CCDC170: variants seen among roughly 807,000 people sequenced by gnomAD.
The protein encoded by CCDC170 is coiled-coil domain-containing protein 170.
A neutral mutation model predicts 72.6 loss-of-function variants in CCDC170; 69 were observed. The observed-to-expected ratio is 0.95, with a 90% CI of 0.78 to 1.16. The LOEUF is 1.16. CCDC170 is among the 50% of genes most tolerant of loss of function. The pLI is 0.00. For synonymous variants in CCDC170, 300 were observed against 303.9 expected, an observed-to-expected ratio of 0.99 and a Z score of 0.13; for missense variants, 852 against 832.5, an observed-to-expected ratio of 1.02 and a Z score of -0.29.
chr6:151,566,981 T>C (rs1776146718), intron 5 of CCDC170, among the ~76,000 whole-genome samples: 1 of 152,094 alleles, frequency 6.6e-6, no homozygotes, highest in Admixed American at 6.5e-5. Flanking sequence ...AGTGCAATGG[T>C]GCGATCTCAG....
intron 10 of CCDC170, among the ~76,000 whole-genome samples, chr6:151,616,355 C>A (rs576475021): frequency 6.6e-6 from 1 of 152,208 alleles, no homozygotes; most frequent in African/African-American, 2.4e-5. Context: ...ATCAGGAGGT[C>A]AGGCGTAAAG....
At chr6:151,601,518 CGTGT>C (rs201008177) in intron 9 of CCDC170, among the ~76,000 whole-genome samples, 1 of 150,456 alleles carries the variant, frequency 6.6e-6, no homozygotes, top group Non-Finnish European at 1.5e-5. Context: ...AAAAACAGTG[CGTGT>C]GTGTGTGTGT....
chr6:151,516,140 C>T (rs1279684790), intron 1 of CCDC170, among the ~76,000 whole-genome samples: 4 of 151,654 alleles, frequency 2.6e-5, no homozygotes, highest in Admixed American at 1.3e-4. Context: ...TGTTATCTGT[C>T]ATATAATGCT....
chr6:151,522,135 G>A (rs1055947517), intron 1 of CCDC170, among the ~76,000 whole-genome samples: 13 of 152,104 alleles, frequency 8.5e-5, no homozygotes, highest in African/African-American at 2.9e-4. Context: ...ACTCCAGCCT[G>A]GGTGACAAGA....
At chr6:151,563,165 C>T (rs1053517315) in intron 5 of CCDC170, among the ~76,000 whole-genome samples, 14 of 151,880 alleles carry the variant, frequency 9.2e-5, no homozygotes, top group African/African-American at 2.7e-4. Context: ...CCCTTCCCTT[C>T]GTAAAAGCCT....
Position 151,505,847 on chromosome 6 carries a change from A to C in CCDC170, c.57+11662A>C, listed in dbSNP as rs373223343. Among the ~76,000 whole-genome samples, 593 of 152,324 alleles carry C rather than the reference A, an allele frequency of 3.9e-3. 4 individuals are homozygous for C. The highest frequency in any genetic ancestry group is 0.014 in the African/African-American group (570 of 41,580). On this transcript the variant is annotated intron_variant, in intron 1 of 10. Transcript: ENST00000239374. ...CATGGTGGCTCATGCTTATAATCCT[A>C]GCAGTTTGGGAGGCCAAGGCAGGAG...
chr6:151,496,009 G>A (rs1011206762), intron 1 of CCDC170, among the ~76,000 whole-genome samples: 2 of 151,996 alleles, frequency 1.3e-5, no homozygotes, highest in East Asian at 1.9e-4. Context: ...ACTGTATTTA[G>A]TTATGTCTCC....
rs182236629 is a variant in CCDC170 at position 151,592,251 on chromosome 6, C to T, written c.1294-856C>T. 1.1e-3 allele frequency among the ~76,000 whole-genome samples: 161 copies of T among 152,022 alleles called. 2 individuals are homozygous for T. Among genetic ancestry groups the T allele is most frequent in the African/African-American group, 3.6e-3 (148 of 41,514 alleles). ...GGCACGTGCCTGTAATCCCAGCTAC[C>T]TGGGAGGCTGAGGCAGGAGAATTGC... On this transcript the variant is annotated intron_variant, in intron 7 of 10. Transcript: ENST00000239374.
At chr6:151,616,318 A>G (rs1583054046) in intron 10 of CCDC170, among the ~76,000 whole-genome samples, 2 of 152,172 alleles carry the variant, frequency 1.3e-5, no homozygotes, top group South Asian at 4.2e-4. Flanking sequence ...GCTGGCTACA[A>G]GAAGGAGCAT....
At chr6:151,547,877 A>G (rs924329283) in intron 4 of CCDC170, among the ~76,000 whole-genome samples, 1 of 152,236 alleles carries the variant, frequency 6.6e-6, no homozygotes, top group Non-Finnish European at 1.5e-5. Flanking sequence ...TACATAGAAG[A>G]ATATTTTTTT....
In CCDC170 at chr6:151,544,597, A is replaced by T; in HGVS notation, c.469A>T (p.Asn157Tyr). Residue 157 changes from asparagine (N) to tyrosine (Y), a missense_variant, in exon 4 of 11, where the codon AAT becomes TAT. By Grantham distance (143) the Asn-to-Tyr change is moderately radical (BLOSUM62 -2). Coordinates refer to ENST00000239374, the MANE Select transcript of CCDC170 (RefSeq NM_025059.4). ...AAAGTGTTCAAAAGAAAATGAGGAGAATAAGAAACAAGTTTCAAAGAATTG... is the reference window on the plus strand; with the variant it reads ...AAAGTGTTCAAAAGAAAATGAGGAGTATAAGAAACAAGTTTCAAAGAATTG... ...LQKCSKENEE[N>Y]KKQVSKNCRK... The T allele has an allele frequency of 6.2e-7, 1 of 1,613,118 alleles. No homozygotes were observed. Among genetic ancestry groups the T allele is most frequent in the Non-Finnish European group, 8.5e-7 (1 of 1,179,160 alleles).
At position 151,536,456 on chromosome 6, in the gene CCDC170, T is replaced by G; in HGVS notation, c.186+10T>G. 1 of 1,613,766 alleles carries G rather than the reference T, an allele frequency of 6.2e-7. No homozygotes were observed. The highest frequency in any genetic ancestry group is 8.5e-7 in the Non-Finnish European group (1 of 1,179,804). On this transcript the variant is annotated intron_variant, in intron 2 of 10. Transcript: ENST00000239374. Reference sequence around the variant, plus strand: ...ATGTGCTCAGTCTGAGGTAAGATAATGCATTTCCAGCACTCAGAAATGGGC... The same window carrying G: ...ATGTGCTCAGTCTGAGGTAAGATAAGGCATTTCCAGCACTCAGAAATGGGC...
At chr6:151,497,403 A>G (rs1781925765) in intron 1 of CCDC170, among the ~76,000 whole-genome samples, 1 of 152,240 alleles carries the variant, frequency 6.6e-6, no homozygotes, top group Admixed American at 6.5e-5. Context: ...AAAATTAAAA[A>G]AGAGTTTACA....
chr6:151,547,249 G>A (rs1041497942), intron 4 of CCDC170, among the ~76,000 whole-genome samples: 3 of 152,190 alleles, frequency 2.0e-5, no homozygotes, highest in Admixed American at 6.5e-5. Context: ...TCTGAGTGCT[G>A]GAGAGATAGC....
intron 1 of CCDC170, among the ~76,000 whole-genome samples, chr6:151,526,069 GTCCTTCCT>G (rs567081511): frequency 9.7e-5 from 14 of 144,238 alleles, no homozygotes; most frequent in African/African-American, 4.0e-4. Flanking sequence ...TCTGGTACCA[GTCCTTCCT>G]TCCTTCCTTC....
At chr6:151,508,402 T>TGG (rs575396740) in intron 1 of CCDC170, among the ~76,000 whole-genome samples, 9 of 151,246 alleles carry the variant, frequency 6.0e-5, no homozygotes, top group African/African-American at 2.2e-4. Flanking sequence ...CCAGGCATAG[T>TGG]GGGGGGGCGC....
At chr6:151,585,743 T>A in intron 6 of CCDC170, 146 bp from the exon 7 acceptor site, 1 of 634,626 alleles carries the variant, frequency 1.6e-6, no homozygotes, top group Admixed American at 3.5e-5. Flanking sequence ...AATACAGCTA[T>A]CAATTACATA....
rs955979182 is a variant in CCDC170 at position 151,526,348 on chromosome 6, A to T, written c.58-9970A>T. On this transcript the variant is annotated intron_variant, in intron 1 of 10. Transcript: ENST00000239374. ...GTCATTCTCCTGCCTCAGCCTTCCT[A>T]GTAGCTGGAACTACAGGCATGCGCT... Among the ~76,000 whole-genome samples the T allele has an allele frequency of 4.0e-5, 6 of 151,226 alleles. No homozygotes were observed. The East Asian group carries it at 9.7e-4, about 25-fold the overall frequency.
At chr6:151,583,591 G>A (rs1776409444) in intron 6 of CCDC170, among the ~76,000 whole-genome samples, 1 of 152,048 alleles carries the variant, frequency 6.6e-6, no homozygotes, top group Non-Finnish European at 1.5e-5. Flanking sequence ...CCAAGTAGCT[G>A]GGACTACAGG....
Sources: gnomAD v4.1 joint callset for allele counts (sites outside exome capture counted in the v4.1 genomes callset) on GRCh38, gnomAD v4.1.1 for gene constraint, MANE v1.5 for transcripts, NCBI Gene and HGNC (gene_info 2026-07-23, HGNC 2026-07-21) for gene names.